The following RBFOX3 variants were observed in gnomAD, a reference collection of about 807,000 sequenced individuals.
RBFOX3 encodes the protein RNA binding protein fox-1 homolog 3.
A neutral mutation model predicts 48.7 loss-of-function variants in RBFOX3; 17 were observed. The observed-to-expected ratio is 0.35, with a 90% CI of 0.24 to 0.52. RBFOX3 has a LOEUF of 0.52. Ranked by LOEUF, RBFOX3 falls within the 20% of genes least tolerant of loss-of-function variation. The pLI is 0.94. For synonymous variants in RBFOX3, 212 were observed against 209.5 expected (o/e 1.01, Z -0.10); for missense variants, 382 against 497.5 (o/e 0.77, Z 2.21).
At chr17:79,143,986 TG>T (rs1465668941) in intron 4 of RBFOX3, among the ~76,000 whole-genome samples, 1 of 152,216 alleles carries the variant, frequency 6.6e-6, no homozygotes, top group Non-Finnish European at 1.5e-5. Context: ...GGGACAGACC[TG>T]CTTGGCCGGT....
rs2078833880 is a variant in RBFOX3 at position 79,481,909 on chromosome 17, AC to A, written c.-175+544del. On this transcript the variant is annotated intron_variant, in intron 2 of 14. Transcript: ENST00000693108. This position sits in a 1 kb window ranked among gnomAD's most constrained non-coding sequence, Gnocchi z 5.4. Reference sequence around the variant, plus strand: ...TTGCATTCGAAGTGAGAGCCATCTTACAGAGCACTTGGCCCAAACCCTGTGG... The same window carrying A: ...TTGCATTCGAAGTGAGAGCCATCTTAAGAGCACTTGGCCCAAACCCTGTGG... Among the ~76,000 whole-genome samples, 1 of 152,136 alleles carries A rather than the reference AC, an allele frequency of 6.6e-6. No homozygotes were observed. Among genetic ancestry groups the A allele is most frequent in the South Asian group, 2.1e-4 (1 of 4,820 alleles).
chr17:79,494,030 G>A (rs906631612), intron 1 of RBFOX3, among the ~76,000 whole-genome samples: 55 of 152,210 alleles, frequency 3.6e-4, no homozygotes, highest in African/African-American at 1.2e-3. Context: ...CAGCTACTTA[G>A]GAGGCTGAGG....
chr17:79,274,403 C>G (rs1298254217), intron 3 of RBFOX3, among the ~76,000 whole-genome samples: 1 of 152,172 alleles, frequency 6.6e-6, no homozygotes, highest in Non-Finnish European at 1.5e-5. Context: ...GGCAAAGGGC[C>G]CAGCACATGG....
At chr17:79,416,683 G>T (rs1555719249) in intron 2 of RBFOX3, among the ~76,000 whole-genome samples, 1 of 152,198 alleles carries the variant, frequency 6.6e-6, no homozygotes, top group African/African-American at 2.4e-5. Context: ...ACCCCTCCAG[G>T]TTGGGATGGG....
chr17:79,156,113 G>A (rs1036398326), intron 4 of RBFOX3, among the ~76,000 whole-genome samples: 2 of 152,226 alleles, frequency 1.3e-5, no homozygotes, highest in Non-Finnish European at 2.9e-5. Context: ...ACACTTGGGG[G>A]TGACGGGGAA....
intron 4 of RBFOX3, among the ~76,000 whole-genome samples, chr17:79,193,844 G>A (rs1233460307): frequency 2.0e-5 from 3 of 152,182 alleles, no homozygotes; most frequent in African/African-American, 7.2e-5. Context: ...CAATTTAGAA[G>A]GAGAATCACT....
intron 3 of RBFOX3, among the ~76,000 whole-genome samples, chr17:79,244,266 T>C (rs1418533516): frequency 1.3e-5 from 2 of 151,522 alleles, no homozygotes; most frequent in South Asian, 2.1e-4. Flanking sequence ...GAGATTGGAG[T>C]GATGTAGCCA....
At chr17:79,185,542 G>A (rs539071726) in intron 4 of RBFOX3, among the ~76,000 whole-genome samples, 1 of 152,224 alleles carries the variant, frequency 6.6e-6, no homozygotes, top group South Asian at 2.1e-4. Context: ...TCCCTCTTTT[G>A]TCTTCTCTGG....
At chr17:79,581,887 G>A (rs1404930920) in intron 1 of RBFOX3, among the ~76,000 whole-genome samples, 1 of 152,268 alleles carries the variant, frequency 6.6e-6, no homozygotes, top group Non-Finnish European at 1.5e-5. Flanking sequence ...TAGCCCAGAG[G>A]CCAGGTTGCC....
chr17:79,635,339 C>T, the RBFOX3 span, among the ~76,000 whole-genome samples: 1 of 152,052 alleles, frequency 6.6e-6, no homozygotes, highest in African/African-American at 2.4e-5. Flanking sequence ...GCAACCTGAT[C>T]GTCCCATCAT....
chr17:79,554,949 T>C (rs1437096379), intron 1 of RBFOX3, among the ~76,000 whole-genome samples: 1 of 152,108 alleles, frequency 6.6e-6, no homozygotes, highest in African/African-American at 2.4e-5. Flanking sequence ...CTCAGCCTCA[T>C]GAACAGCTAA....
At position 79,453,256 on chromosome 17, in the gene RBFOX3, C is replaced by T. The variant is rs141934886; in HGVS notation, c.-175+29198G>A. On this transcript the variant is annotated intron_variant, in intron 2 of 14. Transcript: ENST00000693108. ...TGCTGGCCACACCCTAAGTCCAGAG[C>T]GATGCCCAGAGAACAAACCACTCTA... Among the ~76,000 whole-genome samples the T allele has an allele frequency of 5.0e-3, 767 of 152,358 alleles. 9 individuals are homozygous for T. The highest frequency in any genetic ancestry group is 0.017 in the African/African-American group (712 of 41,586).
At chr17:79,216,533 G>A (rs1166053432) in intron 4 of RBFOX3, among the ~76,000 whole-genome samples, 2 of 152,146 alleles carry the variant, frequency 1.3e-5, no homozygotes, top group African/African-American at 2.4e-5. Context: ...GAGATGAGGA[G>A]CACGTTGGGC....
intron 4 of RBFOX3, among the ~76,000 whole-genome samples, chr17:79,148,499 C>G (rs949663939): frequency 6.6e-6 from 1 of 151,088 alleles, no homozygotes; most frequent in African/African-American, 2.5e-5. Flanking sequence ...GCACCCCACA[C>G]CCCCCCAGAC....
chr17:79,504,543 G>A (rs546406518), intron 1 of RBFOX3, among the ~76,000 whole-genome samples: 6 of 152,308 alleles, frequency 3.9e-5, no homozygotes, highest in Admixed American at 6.5e-5. Flanking sequence ...GGAGAGAAGC[G>A]TTGCCTGCCT....
At chr17:79,127,791 C>A (rs2037704111) in intron 4 of RBFOX3, among the ~76,000 whole-genome samples, 1 of 152,168 alleles carries the variant, frequency 6.6e-6, no homozygotes, top group Non-Finnish European at 1.5e-5. Flanking sequence ...TGGAGCTGGC[C>A]CCACTCATAA....
rs143070369 is a variant in RBFOX3 at position 79,400,846 on chromosome 17, G to A, written c.-175+81608C>T. On this transcript the variant is annotated intron_variant, in intron 2 of 14. Coordinates refer to ENST00000693108, the MANE Select transcript of RBFOX3 (RefSeq NM_001350451.2). ...TCAGGCCACCTCCGAAGCCAAAACC[G>A]AAGTCCCCACACTCTCCTAAGCTGG... 7.6e-4 allele frequency among the ~76,000 whole-genome samples: 116 copies of A among 152,204 alleles called. 2 individuals carry two copies. In the East Asian group the frequency reaches 0.015, roughly 19 times the overall value.
chr17:79,307,964 G>C (rs1418512638), intron 2 of RBFOX3, 140 bp from the exon 3 acceptor site: 1 of 153,250 alleles, frequency 6.5e-6, no homozygotes, highest in Non-Finnish European at 1.5e-5. Context: ...TCTTTTGAAC[G>C]ATACAAACAG....
intron 2 of RBFOX3, among the ~76,000 whole-genome samples, chr17:79,458,095 T>C (rs1436939638): frequency 2.0e-5 from 3 of 152,024 alleles, no homozygotes; most frequent in African/African-American, 7.2e-5. Flanking sequence ...CCCAGGTGGG[T>C]AACAGAGCAG....
Sources: gnomAD v4.1 joint callset for allele counts (sites outside exome capture counted in the v4.1 genomes callset) on GRCh38, gnomAD v4.1.1 for gene constraint, Gnocchi (gnomAD v3.1) non-coding constraint, MANE v1.5 for transcripts, NCBI Gene and HGNC (gene_info 2026-07-23, HGNC 2026-07-21) for gene names.